MBNL2: variants seen among roughly 807,000 people sequenced by gnomAD.
MBNL2 encodes muscleblind like splicing regulator 2.
MBNL2 carries 17 observed loss-of-function variants against 41.9 expected under a neutral mutation model. That is an observed-to-expected ratio of 0.41 (90% CI 0.28 to 0.61). The LOEUF (loss-of-function observed/expected upper bound fraction) is 0.61, where lower values mean the gene tolerates loss of function less well. Ranked by LOEUF, MBNL2 falls within the 20% of genes least tolerant of loss-of-function variation. The pLI, the probability that MBNL2 is intolerant of heterozygous loss-of-function variation, is 0.35. For synonymous variants in MBNL2, 195 were observed against 182.9 expected (o/e 1.07, Z -0.53); for missense variants, 336 against 505.6 (o/e 0.66, Z 3.22).
Position 97,366,613 on chromosome 13 carries a change from TAA to T in MBNL2, c.1048+1451_1048+1452del. On this transcript the variant is annotated intron_variant, in intron 8 of 8. Coordinates refer to ENST00000679496, the MANE Select transcript of MBNL2 (RefSeq NM_001382683.1). The surrounding 1 kb of genome is among the most constrained non-coding windows in gnomAD (Gnocchi z 4.7). ...CAAACTCTAAATGAGTGCTGATATTTAAAAAAAAAATTCTCGGTGAGAATTTT... is the reference window on the plus strand; with the variant it reads ...CAAACTCTAAATGAGTGCTGATATTTAAAAAAAATTCTCGGTGAGAATTTT... 1.0e-6 allele frequency: 1 copy of T among 993,950 alleles called. No individual in the cohort carries two copies. The highest frequency in any genetic ancestry group is 1.6e-6 in the Non-Finnish European group (1 of 642,822). The allele number at this position is 993,950 out of a possible 1,614,324, so 61.6% of individuals were successfully genotyped here.
chr13:97,203,444 C>A, the MBNL2 span, among the ~76,000 whole-genome samples: 1 of 152,148 alleles, frequency 6.6e-6, no homozygotes, highest in Admixed American at 6.6e-5. Flanking sequence ...ACTAGTTTAA[C>A]CTGTATTCCT....
chr13:97,218,445 A>AAAACAAAAC (rs60251196), upstream of MBNL2, among the ~76,000 whole-genome samples: 114 of 69,408 alleles, frequency 1.6e-3, 1 homozygote, highest in Middle Eastern at 0.014. Context: ...CAAAACAAAA[A>AAAACAAAAC]AAAAAAACTG....
upstream of MBNL2, among the ~76,000 whole-genome samples, chr13:97,217,287 A>G (rs2040462527): frequency 6.6e-6 from 1 of 152,162 alleles, no homozygotes; most frequent in South Asian, 2.1e-4. Flanking sequence ...ACAACTATTC[A>G]GAAAGTGTCT....
intron 1 of MBNL2, among the ~76,000 whole-genome samples, chr13:97,234,391 T>C (rs1028031075): frequency 6.6e-6 from 1 of 152,166 alleles, no homozygotes; most frequent in Non-Finnish European, 1.5e-5. Context: ...TCTCTGGCAG[T>C]GTTGACCCAT....
At chr13:97,161,902 G>A in the MBNL2 span, among the ~76,000 whole-genome samples, 4 of 152,154 alleles carry the variant, frequency 2.6e-5, no homozygotes, top group African/African-American at 9.7e-5. Flanking sequence ...CAGGGTCTGA[G>A]GAGTACATCT....
At chr13:97,293,236 T>C (rs930187251) in intron 2 of MBNL2, among the ~76,000 whole-genome samples, 3 of 152,228 alleles carry the variant, frequency 2.0e-5, no homozygotes, top group African/African-American at 7.2e-5. Flanking sequence ...TATAGATTTT[T>C]GTTAAATAAT....
At chr13:97,172,263 G>A in the MBNL2 span, among the ~76,000 whole-genome samples, 4 of 152,192 alleles carry the variant, frequency 2.6e-5, no homozygotes, top group Non-Finnish European at 4.4e-5. Flanking sequence ...CTCTTGTTCC[G>A]GGGCTGTCTT....
At chr13:97,198,635 A>C in the MBNL2 span, among the ~76,000 whole-genome samples, 1 of 151,580 alleles carries the variant, frequency 6.6e-6, no homozygotes, top group Admixed American at 6.6e-5. Flanking sequence ...CTTCCCTTCC[A>C]CTCATTTTCT....
At chr13:97,284,733 AC>A (rs1424870341) in intron 2 of MBNL2, among the ~76,000 whole-genome samples, 1 of 151,990 alleles carries the variant, frequency 6.6e-6, no homozygotes, top group Non-Finnish European at 1.5e-5. Context: ...GGCTTGCAAA[AC>A]TCCAGAAAGT....
chr13:97,323,545 A>G lies in MBNL2; in HGVS notation c.175-10731A>G, dbSNP rs571689512. ...TATAAGTAATCTAGAGATGATTTAA[A>G]GTATATAGGAAGATGTGTATAGGTT... On this transcript the variant is annotated intron_variant, in intron 2 of 8. Coordinates refer to ENST00000679496, the MANE Select transcript of MBNL2 (RefSeq NM_001382683.1). Among the ~76,000 whole-genome samples, 97 of 152,338 alleles carry G rather than the reference A, an allele frequency of 6.4e-4. No individual in the cohort carries two copies. In the South Asian group the frequency reaches 0.02, roughly 31 times the overall value.
the MBNL2 span, among the ~76,000 whole-genome samples, chr13:97,194,332 G>A: frequency 6.6e-6 from 1 of 152,128 alleles, no homozygotes; most frequent in Non-Finnish European, 1.5e-5. Flanking sequence ...TACATAGGTG[G>A]GCTCCTTAAA....
At chr13:97,377,648 A>G (rs917457789) in intron 8 of MBNL2, among the ~76,000 whole-genome samples, 3 of 152,202 alleles carry the variant, frequency 2.0e-5, no homozygotes, top group Admixed American at 2.0e-4. Flanking sequence ...GGTCCAGAGA[A>G]CCGCTTTAGC....
At chr13:97,181,831 T>A in the MBNL2 span, among the ~76,000 whole-genome samples, 1 of 152,194 alleles carries the variant, frequency 6.6e-6, no homozygotes, top group Non-Finnish European at 1.5e-5. Flanking sequence ...TCTCTTATGG[T>A]TATGTCCAAT....
At chr13:97,227,225 A>C (rs1321020016) in intron 1 of MBNL2, among the ~76,000 whole-genome samples, 1 of 152,168 alleles carries the variant, frequency 6.6e-6, no homozygotes. Flanking sequence ...CTGAGGATGT[A>C]GCCATGTTTA....
chr13:97,380,964 T>A (rs1049667363), intron 8 of MBNL2, among the ~76,000 whole-genome samples: 2 of 152,134 alleles, frequency 1.3e-5, no homozygotes, highest in African/African-American at 4.8e-5. Context: ...CAAATCTGAC[T>A]GGTGGCACAG....
chr13:97,212,855 A>C, the MBNL2 span, among the ~76,000 whole-genome samples: 1 of 152,334 alleles, frequency 6.6e-6, no homozygotes, highest in African/African-American at 2.4e-5. Context: ...CATTTTCCAG[A>C]AATTGATGTT....
intron 2 of MBNL2, among the ~76,000 whole-genome samples, chr13:97,280,438 A>G (rs2053138842): frequency 1.3e-5 from 2 of 152,230 alleles, no homozygotes; most frequent in Non-Finnish European, 2.9e-5. Flanking sequence ...TTGGTTGAAA[A>G]CACTCAGAGT....
chr13:97,186,810 A>C, the MBNL2 span, among the ~76,000 whole-genome samples: 1 of 152,160 alleles, frequency 6.6e-6, no homozygotes, highest in Non-Finnish European at 1.5e-5. Context: ...TCTGTATCAC[A>C]ATACAGGCAT....
At position 97,366,614 on chromosome 13, in the gene MBNL2, A is replaced by C. The variant is rs553202755; in HGVS notation, c.1048+1443A>C. ...AAACTCTAAATGAGTGCTGATATTT[A>C]AAAAAAAAATTCTCGGTGAGAATTT... On this transcript the variant is annotated intron_variant, in intron 8 of 8. Coordinates refer to ENST00000679496, the MANE Select transcript of MBNL2 (RefSeq NM_001382683.1). This position sits in a 1 kb window ranked among gnomAD's most constrained non-coding sequence, Gnocchi z 4.7. 7.7e-6 allele frequency: 7 copies of C among 913,748 alleles called. No individual in the cohort carries two copies. The South Asian group carries it at 1.0e-4, about 14-fold the overall frequency. 56.6% of individuals were successfully genotyped at this position (913,748 alleles called of 1,614,324 possible).
Sources: allele counts gnomAD v4.1 joint callset (sites outside exome capture counted in the v4.1 genomes callset), GRCh38; gene constraint gnomAD v4.1.1; non-coding constraint Gnocchi (gnomAD v3.1); transcripts MANE v1.5; gene names NCBI Gene and HGNC (gene_info 2026-07-23, HGNC 2026-07-21).